SDK1: variants seen among roughly 807,000 people sequenced by gnomAD.
The protein encoded by SDK1 is sidekick cell adhesion molecule 1, also known as protein sidekick-1.
SDK1 carries 157 observed loss-of-function variants against 245.5 expected under a neutral mutation model. The ratio of observed to expected loss-of-function variants is 0.64; its 90% confidence interval spans 0.56 to 0.73. The LOEUF is 0.73. Among genes scored for constraint, SDK1 ranks in the 30% least tolerant of loss-of-function variants. SDK1 has a pLI of 0.00. For synonymous variants in SDK1, 1,647 were observed against 1,278.5 expected (o/e 1.29, Z -6.15); for missense variants, 3,583 against 3,002.3 (o/e 1.19, Z -4.52).
intron 1 of SDK1, among the ~76,000 whole-genome samples, chr7:3,362,346 T>A (rs1780975826): frequency 6.6e-6 from 1 of 152,210 alleles, no homozygotes; most frequent in Non-Finnish European, 1.5e-5. Flanking sequence ...GGAGAGGATT[T>A]ATCTAACACC....
intron 1 of SDK1, among the ~76,000 whole-genome samples, chr7:3,529,412 A>T (rs894780900): frequency 6.6e-6 from 1 of 152,212 alleles, no homozygotes; most frequent in African/African-American, 2.4e-5. Context: ...GTAAGGAAAC[A>T]CTCAGAATGA....
At position 3,603,145 on chromosome 7, in the gene SDK1, G is replaced by A. The variant is rs564356220; in HGVS notation, c.299-15935G>A. 1.8e-4 allele frequency among the ~76,000 whole-genome samples: 26 copies of A among 146,568 alleles called. No homozygotes were observed. In the South Asian group the frequency reaches 6.1e-3, roughly 34 times the overall value. ...CCTCCAGCTTTGTTCTTTTGGCTTA[G>A]GATTGACTTGGCGATGCGGGCTCTT... On this transcript the variant is annotated intron_variant, in intron 1 of 44. Coordinates refer to ENST00000404826, the MANE Select transcript of SDK1 (RefSeq NM_152744.4).
At chr7:4,184,836 A>G (rs566253255) in intron 35 of SDK1, among the ~76,000 whole-genome samples, 3 of 152,302 alleles carry the variant, frequency 2.0e-5, no homozygotes, top group African/African-American at 7.2e-5. Flanking sequence ...AGCTTCAGGC[A>G]TGGCTGGATC....
intron 5 of SDK1, among the ~76,000 whole-genome samples, chr7:3,919,112 A>T (rs1263089573): frequency 2.0e-5 from 3 of 152,156 alleles, no homozygotes; most frequent in Non-Finnish European, 4.4e-5. Context: ...CATCTCACAT[A>T]ATCTATCTCA....
At chr7:4,229,322 G>A (rs1785610084) in intron 40 of SDK1, among the ~76,000 whole-genome samples, 2 of 152,090 alleles carry the variant, frequency 1.3e-5, no homozygotes, top group South Asian at 4.1e-4. Context: ...ATGCTAATTT[G>A]GGAAAGGCAG....
chr7:3,510,329 C>T (rs572548328), intron 1 of SDK1, among the ~76,000 whole-genome samples: 1 of 152,148 alleles, frequency 6.6e-6, no homozygotes, highest in Non-Finnish European at 1.5e-5. Context: ...CTTGCACAGA[C>T]GTTCTGCTGT....
intron 1 of SDK1, among the ~76,000 whole-genome samples, chr7:3,549,163 T>A (rs1210488014): frequency 6.6e-6 from 1 of 152,252 alleles, no homozygotes; most frequent in African/African-American, 2.4e-5. Context: ...CTTTGTTATC[T>A]TTCATGCAAA....
At position 3,828,382 on chromosome 7, in the gene SDK1, CCATTTT is replaced by C. The variant is rs1171293264; in HGVS notation, c.847+6803_847+6808del. ...GAGATATTCTATAACAAAATTTCTT[CCATTTT>C]CATCTGTTGCTTTATATGAACGAAA... On this transcript the variant is annotated intron_variant, in intron 5 of 44. Coordinates refer to ENST00000404826, the MANE Select transcript of SDK1 (RefSeq NM_152744.4). Among the ~76,000 whole-genome samples the C allele has an allele frequency of 5.3e-5, 8 of 151,992 alleles. No individual in the cohort carries two copies. The East Asian group carries it at 1.5e-3, about 29-fold the overall frequency.
intron 20 of SDK1, among the ~76,000 whole-genome samples, chr7:4,073,925 A>G (rs898561092): frequency 1.6e-4 from 24 of 152,068 alleles, no homozygotes; most frequent in African/African-American, 5.6e-4. Flanking sequence ...CCTAGTGCTC[A>G]GGCCCCTCTC....
At chr7:3,993,451 T>C (rs1200083024) in intron 14 of SDK1, among the ~76,000 whole-genome samples, 3 of 152,254 alleles carry the variant, frequency 2.0e-5, no homozygotes, top group Non-Finnish European at 2.9e-5. Flanking sequence ...TTCATTCTAC[T>C]CAGTCCTACG....
At chr7:3,587,249 A>G (rs760483523) in intron 1 of SDK1, among the ~76,000 whole-genome samples, 2 of 152,060 alleles carry the variant, frequency 1.3e-5, no homozygotes, top group Admixed American at 1.3e-4. Context: ...AGAGTTTGAG[A>G]TTTTAAACAT....
intron 4 of SDK1, among the ~76,000 whole-genome samples, chr7:3,801,442 C>T (rs952730804): frequency 3.3e-5 from 5 of 152,156 alleles, no homozygotes; most frequent in African/African-American, 9.7e-5. Context: ...CACTAACTGA[C>T]CTCAGCTGTG....
chr7:3,784,083 C>T (rs1467904179), intron 4 of SDK1, among the ~76,000 whole-genome samples: 1 of 145,386 alleles, frequency 6.9e-6, no homozygotes. Context: ...TTTTTCTTTT[C>T]TTTGTTTTTT....
intron 5 of SDK1, among the ~76,000 whole-genome samples, chr7:3,822,789 GA>G (rs1193401993): frequency 8.0e-5 from 12 of 150,098 alleles, no homozygotes; most frequent in Admixed American, 7.3e-4. Flanking sequence ...AAAAAAAAAA[GA>G]AAAGTATGTG....
intron 1 of SDK1, among the ~76,000 whole-genome samples, chr7:3,605,815 A>C (rs1781404282): frequency 6.6e-6 from 1 of 152,160 alleles, no homozygotes; most frequent in African/African-American, 2.4e-5. Flanking sequence ...ATAGTCTAGG[A>C]CATTTAAATT....
chr7:3,947,976 T>C (rs1394078331), intron 5 of SDK1, among the ~76,000 whole-genome samples: 1 of 152,170 alleles, frequency 6.6e-6, no homozygotes, highest in African/African-American at 2.4e-5. Flanking sequence ...TAATGTTCTT[T>C]TTAATTTATG....
At chr7:4,017,576 A>T (rs1367427559) in intron 17 of SDK1, among the ~76,000 whole-genome samples, 1 of 152,134 alleles carries the variant, frequency 6.6e-6, no homozygotes, top group East Asian at 1.9e-4. Context: ...TTTTTCAGTG[A>T]CTAAGGAAGT....
At chr7:3,837,693 G>C (rs1266106170) in intron 5 of SDK1, among the ~76,000 whole-genome samples, 1 of 152,130 alleles carries the variant, frequency 6.6e-6, no homozygotes, top group Non-Finnish European at 1.5e-5. Context: ...CTGTGATGAT[G>C]GAAATGTTCT....
Position 3,397,409 on chromosome 7 carries a change from G to T in SDK1, c.298+95525G>T, listed in dbSNP as rs543019717. On this transcript the variant is annotated intron_variant, in intron 1 of 44. Transcript: ENST00000404826. ...ATTCTCTCATTTTTTCTTTATATGG[G>T]AATATTTTAATTTTCGTTTTTGAAG... 5.3e-5 allele frequency among the ~76,000 whole-genome samples: 8 copies of T among 151,700 alleles called. No homozygotes were observed. The South Asian group carries it at 1.5e-3, about 28-fold the overall frequency.
Sources: gnomAD v4.1 joint callset for allele counts (sites outside exome capture counted in the v4.1 genomes callset) on GRCh38, gnomAD v4.1.1 for gene constraint, MANE v1.5 for transcripts, NCBI Gene and HGNC (gene_info 2026-07-23, HGNC 2026-07-21) for gene names.